The following LGMN variants were observed in gnomAD, a reference collection of about 807,000 sequenced individuals.
LGMN encodes asparaginyl endopeptidase.
Under a neutral mutation model 56.8 loss-of-function variants are expected in LGMN, and 36 were observed. The ratio of observed to expected loss-of-function variants is 0.63; its 90% CI spans 0.49 to 0.84. The LOEUF (loss-of-function observed/expected upper bound fraction) is 0.84. LGMN is among the 40% of genes least tolerant of loss of function. LGMN has a pLI of 0.00. For synonymous variants in LGMN, 199 were observed against 210.1 expected (o/e 0.95, Z 0.46); for missense variants, 446 against 556.1 (o/e 0.80, Z 1.99).
intron 8 of LGMN, among the ~76,000 whole-genome samples, 162 bp from the exon 9 acceptor site, chr14:92,712,117 G>A (rs1037731612): frequency 3.3e-5 from 5 of 152,264 alleles, no homozygotes; most frequent in East Asian, 1.9e-4. Context: ...TTGTGTATTC[G>A]ATTACAATAA....
intron 2 of LGMN, among the ~76,000 whole-genome samples, chr14:92,732,020 T>C (rs962313572): frequency 7.9e-5 from 12 of 151,732 alleles, no homozygotes; most frequent in African/African-American, 2.9e-4. Flanking sequence ...GAGGAGGGTG[T>C]GAAGAGAGAG....
intron 11 of LGMN, among the ~76,000 whole-genome samples, chr14:92,707,119 A>G (rs988808492): frequency 6.6e-6 from 1 of 152,106 alleles, no homozygotes; most frequent in African/African-American, 2.4e-5. Context: ...GGCCAGGCAC[A>G]GTGGCTCAGG....
chr14:92,719,157 T>G (rs112005311), intron 2 of LGMN, among the ~76,000 whole-genome samples: 11 of 39,766 alleles, frequency 2.8e-4, no homozygotes, highest in East Asian at 2.3e-3. Flanking sequence ...CCACCGCCAC[T>G]GCCACCACCA....
At chr14:92,742,720 A>T (rs988700290) in intron 1 of LGMN, among the ~76,000 whole-genome samples, 1 of 152,178 alleles carries the variant, frequency 6.6e-6, no homozygotes, top group African/African-American at 2.4e-5. Context: ...ACACAATGAG[A>T]TCCTGTGTCA....
rs1350479081 is a variant in LGMN, at chr14:92,727,264, T to C, written c.138+5385A>G. ...AGGCAACACGGCAAAACCCCGTCTC[T>C]ACTAAAAATATAAAAATTAGCCAGG... On this transcript the variant is annotated intron_variant, in intron 2 of 13. Transcript: ENST00000334869. 1.3e-5 allele frequency among the ~76,000 whole-genome samples: 2 copies of C among 151,792 alleles called. 1 individual carries two copies. Among genetic ancestry groups the C allele is most frequent in the South Asian group, 4.2e-4 (2 of 4,810 alleles).
chr14:92,733,148 CAAAAA>C (rs11343138), intron 1 of LGMN, among the ~76,000 whole-genome samples: 2 of 103,648 alleles, frequency 1.9e-5, no homozygotes, highest in African/African-American at 3.9e-5. Flanking sequence ...ACTCTGTCTC[CAAAAA>C]AAAAAAAAAA....
At chr14:92,741,131 G>A (rs1005047884) in intron 1 of LGMN, 1 of 151,430 alleles carries the variant, frequency 6.6e-6, no homozygotes, top group Non-Finnish European at 1.5e-5. Flanking sequence ...AGGTTGCAGT[G>A]AGCCAAGATT....
chr14:92,742,292 C>CTTTTTTTTTTTTTT lies in LGMN; in HGVS notation c.-30+6196_-30+6197insAAAAAAAAAAAAAA. On this transcript the variant is annotated intron_variant, in intron 1 of 13. Transcript: ENST00000334869. ...AAATGTCTTGCTGTTTTTTGTTTTG[C>CTTTTTTTTTTTTTT]TTTTTTTTTTTTTCTTTTTTTTTGA... Among the ~76,000 whole-genome samples, 11 of 84,010 alleles carry CTTTTTTTTTTTTTT rather than the reference C, an allele frequency of 1.3e-4. 2 individuals carry two copies. Among genetic ancestry groups the CTTTTTTTTTTTTTT allele is most frequent in the South Asian group, 9.7e-4 (2 of 2,064 alleles). 55.1% of individuals were successfully genotyped at this position (84,010 alleles called of 152,430 possible). A position where few individuals can be genotyped will look rare whatever the true frequency, so the allele number is the denominator to read the frequency against.
In LGMN at chr14:92,714,523, C is replaced by T. The variant is rs914041686; in HGVS notation, c.405-72G>A. 1 of 1,166,672 alleles carries T rather than the reference C, an allele frequency of 8.6e-7. No homozygotes were observed. Among genetic ancestry groups the T allele is most frequent in the Non-Finnish European group, 1.3e-6 (1 of 798,234 alleles). The allele number at this position is 1,166,672 out of a possible 1,614,324, so 72.3% of individuals were successfully genotyped here. A position where few individuals can be genotyped will look rare whatever the true frequency, so the allele number is the denominator to read the frequency against. The stretch of plus-strand genomic sequence containing the variant: ...ACTTCTATTTCTCTGAAAAGCTGCC[C>T]TAATCAAAAAATTAAGAAGTTTGGG... On this transcript the variant is annotated intron_variant, in intron 5 of 13. Coordinates refer to ENST00000334869, the MANE Select transcript of LGMN (RefSeq NM_005606.7). This position sits in a 1 kb window ranked among gnomAD's most constrained non-coding sequence, Gnocchi z 5.1.
intron 1 of LGMN, among the ~76,000 whole-genome samples, chr14:92,737,957 C>A (rs1009630351): frequency 6.6e-6 from 1 of 152,218 alleles, no homozygotes; most frequent in African/African-American, 2.4e-5. Context: ...AATGGGTTCC[C>A]TAGTTTGCAC....
At chr14:92,705,565 C>A (rs1595522610) in intron 12 of LGMN, among the ~76,000 whole-genome samples, 1 of 152,078 alleles carries the variant, frequency 6.6e-6, no homozygotes, top group Non-Finnish European at 1.5e-5. Flanking sequence ...CTTAACTCTG[C>A]CCCAGTGTGA....
intron 2 of LGMN, among the ~76,000 whole-genome samples, chr14:92,726,611 G>T (rs1040961671): frequency 2.0e-5 from 3 of 152,154 alleles, no homozygotes; most frequent in Non-Finnish European, 2.9e-5. Context: ...GAGTGGAGAG[G>T]TTCTGTCAAA....
rs117683959 is a variant in LGMN at position 92,714,896 on chromosome 14, G to C, written c.405-445C>G. ...GGATGCCCACCTACCTGCCTCACCA[G>C]GGCTTCCACCAGATGGCGCTGCTTC... On this transcript the variant is annotated intron_variant, in intron 5 of 13. Transcript: ENST00000334869. The surrounding 1 kb of genome is among the most constrained non-coding windows in gnomAD (Gnocchi z 5.1). 3.7e-4 allele frequency among the ~76,000 whole-genome samples: 56 copies of C among 152,250 alleles called. No individual in the cohort carries two copies. The East Asian group carries it at 0.01, about 28-fold the overall frequency.
intron 2 of LGMN, among the ~76,000 whole-genome samples, chr14:92,727,451 AAG>A (rs1246677672): frequency 7.4e-5 from 11 of 149,306 alleles, no homozygotes; most frequent in Non-Finnish European, 1.5e-4. Context: ...AAAAAAAAAA[AAG>A]GACCTGGGTT....
chr14:92,745,875 G>A (rs1891794083), intron 1 of LGMN, among the ~76,000 whole-genome samples: 1 of 151,576 alleles, frequency 6.6e-6, no homozygotes, highest in South Asian at 2.1e-4. Context: ...AGGCTGGAGT[G>A]CAGTGGCGCC....
chr14:92,747,265 G>A (rs1340904564), intron 1 of LGMN, among the ~76,000 whole-genome samples: 3 of 151,974 alleles, frequency 2.0e-5, no homozygotes, highest in South Asian at 2.1e-4. Flanking sequence ...AGGCTGAGGC[G>A]GGCGGATCAC....
At chr14:92,730,532 T>A (rs920407988) in intron 2 of LGMN, among the ~76,000 whole-genome samples, 4 of 152,198 alleles carry the variant, frequency 2.6e-5, no homozygotes, top group African/African-American at 9.6e-5. Context: ...GCTCAAGCAA[T>A]CCTCCCACTT....
chr14:92,715,484 G>C (rs1034330301), intron 5 of LGMN, among the ~76,000 whole-genome samples: 3 of 152,178 alleles, frequency 2.0e-5, no homozygotes, highest in African/African-American at 7.2e-5. Context: ...CCAAAGTGCT[G>C]GGATTACAGG....
At chr14:92,741,396 C>T (rs1185857760) in intron 1 of LGMN, 1 of 152,144 alleles carries the variant, frequency 6.6e-6, no homozygotes, top group East Asian at 1.9e-4. Flanking sequence ...ACCTTAACCA[C>T]CATCAGGAGT....
Sources: allele counts gnomAD v4.1 joint callset (sites outside exome capture counted in the v4.1 genomes callset), GRCh38; gene constraint gnomAD v4.1.1; non-coding constraint Gnocchi (gnomAD v3.1); transcripts MANE v1.5; gene names NCBI Gene and HGNC (gene_info 2026-07-23, HGNC 2026-07-21).